Variants in NKAIN3 observed in about 807,000 individuals in gnomAD.
The protein encoded by NKAIN3 is sodium/potassium transporting ATPase interacting 3.
A neutral mutation model predicts 30.2 loss-of-function variants in NKAIN3; 25 were observed. That is an observed-to-expected ratio of 0.83 (90% confidence interval 0.60 to 1.16). NKAIN3 has a LOEUF of 1.16. NKAIN3 is among the 50% of genes most tolerant of loss of function. The pLI is 0.00. For synonymous variants in NKAIN3, 91 were observed against 89.6 expected (o/e 1.02, Z -0.09); for missense variants, 225 against 254.1 (o/e 0.89, Z 0.78).
intron 4 of NKAIN3, among the ~76,000 whole-genome samples, chr8:62,879,604 G>A (rs1336307420): frequency 6.6e-6 from 1 of 152,146 alleles, no homozygotes; most frequent in Non-Finnish European, 1.5e-5. Context: ...GCATGCATGA[G>A]CACAGCTGTC....
intron 3 of NKAIN3, among the ~76,000 whole-genome samples, chr8:62,724,301 A>G (rs1276139336): frequency 6.6e-6 from 1 of 152,050 alleles, no homozygotes; most frequent in Non-Finnish European, 1.5e-5. Context: ...TGTATGAGAT[A>G]TTTTGATACA....
At chr8:62,810,900 C>A (rs1563573800) in intron 4 of NKAIN3, among the ~76,000 whole-genome samples, 1 of 151,980 alleles carries the variant, frequency 6.6e-6, no homozygotes, top group African/African-American at 2.4e-5. Flanking sequence ...GTACTTTTAC[C>A]TTGTTTTCCC....
At chr8:62,789,549 G>A (rs1185564390) in intron 4 of NKAIN3, among the ~76,000 whole-genome samples, 1 of 151,944 alleles carries the variant, frequency 6.6e-6, no homozygotes, top group Non-Finnish European at 1.5e-5. Flanking sequence ...TGATTGCCCT[G>A]GCCAGAAGTT....
rs1245479508 is a variant in NKAIN3, at chr8:62,981,452, T to C, written c.*16045T>C. The C allele has an allele frequency of 6.6e-6, 1 of 152,180 alleles. No homozygotes were observed. The highest frequency in any genetic ancestry group is 1.9e-4 in the East Asian group (1 of 5,200). The allele number at this position is 152,180 out of a possible 1,614,324, so 9.4% of individuals were successfully genotyped here. ...ACACTTTGAAATACCTTTACCTCCT[T>C]TGGGGGAAATCCAAACTGAAAGGAA... On this transcript the variant is annotated 3_prime_UTR_variant, in exon 7 of 7. Transcript: ENST00000623646.
intron 3 of NKAIN3, among the ~76,000 whole-genome samples, chr8:62,654,167 T>C (rs1395710901): frequency 1.6e-5 from 2 of 123,284 alleles, no homozygotes; most frequent in Admixed American, 1.5e-4. Flanking sequence ...CTTAAAATAA[T>C]GCAAAAAAAA....
intron 5 of NKAIN3, among the ~76,000 whole-genome samples, chr8:62,946,556 A>G (rs150671065): frequency 2.0e-5 from 3 of 152,148 alleles, no homozygotes; most frequent in African/African-American, 7.2e-5. Flanking sequence ...TCCTCTCTGC[A>G]GTCTTTGAAG....
intron 5 of NKAIN3, among the ~76,000 whole-genome samples, chr8:62,952,422 A>G (rs1432586338): frequency 1.3e-5 from 2 of 152,230 alleles, no homozygotes; most frequent in African/African-American, 2.4e-5. Flanking sequence ...TATTTAGAGT[A>G]AATAAAATAG....
At chr8:62,657,166 A>G (rs1402679958) in intron 3 of NKAIN3, among the ~76,000 whole-genome samples, 2 of 152,216 alleles carry the variant, frequency 1.3e-5, no homozygotes, top group South Asian at 2.1e-4. Context: ...TTGCAAAGTA[A>G]CTATCTGAGT....
intron 4 of NKAIN3, among the ~76,000 whole-genome samples, chr8:62,752,703 A>G (rs1388445006): frequency 6.6e-6 from 1 of 152,136 alleles, no homozygotes; most frequent in Non-Finnish European, 1.5e-5. Flanking sequence ...ATCTCCCATT[A>G]ACTAGAACTG....
intron 4 of NKAIN3, among the ~76,000 whole-genome samples, chr8:62,757,909 A>G (rs774180161): frequency 1.3e-5 from 2 of 152,172 alleles, no homozygotes; most frequent in Non-Finnish European, 2.9e-5. Context: ...CAGTTTGTAA[A>G]CAGGTGACAT....
intron 4 of NKAIN3, among the ~76,000 whole-genome samples, chr8:62,833,508 A>C (rs908254403): frequency 5.9e-5 from 9 of 152,056 alleles, no homozygotes; most frequent in African/African-American, 2.2e-4. Context: ...AACCAATCCC[A>C]CAGAAATATA....
At chr8:62,699,942 G>A (rs1814280600) in intron 3 of NKAIN3, among the ~76,000 whole-genome samples, 1 of 152,146 alleles carries the variant, frequency 6.6e-6, no homozygotes, top group African/African-American at 2.4e-5. Context: ...CCTGGGCAAT[G>A]TAGTAAGACT....
chr8:62,274,100 TG>T (rs1178409807), intron 1 of NKAIN3, among the ~76,000 whole-genome samples: 1 of 152,198 alleles, frequency 6.6e-6, no homozygotes, highest in African/African-American at 2.4e-5. Context: ...TTGATGCCTA[TG>T]GCTGGAGAGT....
chr8:62,279,645 T>G (rs868258223), intron 1 of NKAIN3, among the ~76,000 whole-genome samples: 19 of 152,112 alleles, frequency 1.2e-4, no homozygotes, highest in Admixed American at 2.6e-4. Context: ...TTTCCCCATT[T>G]CTTGTTTTTC....
chr8:62,790,420 CTT>C (rs2130671337), intron 4 of NKAIN3, among the ~76,000 whole-genome samples: 1 of 152,200 alleles, frequency 6.6e-6, no homozygotes, highest in South Asian at 2.1e-4. Context: ...GATGCCCTCT[CTT>C]ATCATCCTCT....
chr8:62,623,993 T>C (rs948556680), intron 3 of NKAIN3, among the ~76,000 whole-genome samples: 2 of 152,138 alleles, frequency 1.3e-5, no homozygotes, highest in African/African-American at 4.8e-5. Context: ...TTCCCAGAAC[T>C]GAAGGTTCCT....
chr8:62,660,667 G>A (rs1056387067), intron 3 of NKAIN3, among the ~76,000 whole-genome samples: 3 of 152,218 alleles, frequency 2.0e-5, no homozygotes, highest in Non-Finnish European at 4.4e-5. Context: ...AAGAAATCAA[G>A]TCAAAGGTAG....
rs1002004680 is a variant in NKAIN3 at position 62,949,344 on chromosome 8, C to T, written c.533-4558C>T. 3.9e-5 allele frequency among the ~76,000 whole-genome samples: 6 copies of T among 152,088 alleles called. No homozygotes were observed. In the East Asian group the frequency reaches 5.8e-4, roughly 15 times the overall value. On this transcript the variant is annotated intron_variant, in intron 5 of 6. Transcript: ENST00000623646. Reference sequence around the variant, plus strand: ...GTCCCATAAACAAATAGAAAAGTTGCTATTGGTTGTGTATTTTTTTACAAG... The same window carrying T: ...GTCCCATAAACAAATAGAAAAGTTGTTATTGGTTGTGTATTTTTTTACAAG...
chr8:62,963,561 G>A (rs1161900121), intron 6 of NKAIN3, among the ~76,000 whole-genome samples: 1 of 152,214 alleles, frequency 6.6e-6, no homozygotes, highest in Admixed American at 6.5e-5. Context: ...CACTCTTGAA[G>A]GGATTCATGT....
Sources: allele counts gnomAD v4.1 joint callset (sites outside exome capture counted in the v4.1 genomes callset), GRCh38; gene constraint gnomAD v4.1.1; transcripts MANE v1.5; gene names NCBI Gene and HGNC (gene_info 2026-07-23, HGNC 2026-07-21).